The following PTPRT variants were observed in gnomAD, a reference collection of about 807,000 sequenced individuals.
PTPRT encodes the protein receptor-type tyrosine-protein phosphatase T.
Under a neutral mutation model 176.8 loss-of-function variants are expected in PTPRT, and 56 were observed. The ratio of observed to expected loss-of-function variants is 0.32; its 90% CI spans 0.26 to 0.40. The LOEUF is 0.40. PTPRT is among the 10% of genes least tolerant of loss of function. The pLI, the probability that PTPRT is intolerant of heterozygous loss-of-function variation, is 1.00. For synonymous variants in PTPRT, 783 were observed against 739.0 expected (o/e 1.06, Z -0.96); for missense variants, 1,540 against 1,908.2 (o/e 0.81, Z 3.60).
intron 21 of PTPRT, among the ~76,000 whole-genome samples, chr20:42,117,626 A>G (rs2146320940): frequency 6.6e-6 from 1 of 152,204 alleles, no homozygotes; most frequent in South Asian, 2.1e-4. Context: ...AGAAGAGAGA[A>G]GTGGAGACTG....
At chr20:42,374,940 G>A (rs1174890000) in intron 9 of PTPRT, among the ~76,000 whole-genome samples, 2 of 152,138 alleles carry the variant, frequency 1.3e-5, no homozygotes, top group East Asian at 3.9e-4. Context: ...CAAAATTATA[G>A]ACCAGCATAT....
intron 22 of PTPRT, among the ~76,000 whole-genome samples, chr20:42,111,155 G>C (rs1473342563): frequency 6.6e-6 from 1 of 152,092 alleles, no homozygotes; most frequent in Non-Finnish European, 1.5e-5. Context: ...ACACACTCCG[G>C]GCCCAGTAGT....
the PTPRT span, among the ~76,000 whole-genome samples, chr20:42,053,908 G>C: frequency 6.6e-6 from 1 of 152,312 alleles, no homozygotes; most frequent in East Asian, 1.9e-4. Flanking sequence ...GTGCTGGAGA[G>C]GAAGAGGGGT....
chr20:42,759,525 C>T (rs748181164), intron 5 of PTPRT, among the ~76,000 whole-genome samples: 2 of 152,104 alleles, frequency 1.3e-5, no homozygotes, highest in African/African-American at 2.4e-5. Flanking sequence ...CACAGAGATA[C>T]AAATGTTAGG....
At chr20:42,510,680 C>T (rs528450594) in intron 7 of PTPRT, among the ~76,000 whole-genome samples, 6 of 152,234 alleles carry the variant, frequency 3.9e-5, no homozygotes, top group African/African-American at 1.4e-4. Flanking sequence ...CAAGAATATA[C>T]ATACAAATTA....
chr20:43,189,713 G>T lies in PTPRT; in HGVS notation c.21C>A (p.Leu7=), dbSNP rs768531549. 1.6e-6 allele frequency: 2 copies of T among 1,270,200 alleles called. No homozygotes were observed. Among genetic ancestry groups the T allele is most frequent in the East Asian group, 6.6e-5 (2 of 30,312 alleles). The allele number at this position is 1,270,200 out of a possible 1,614,324, so 78.7% of individuals were successfully genotyped here. MASLAA[L]ALSLLLRLQL... ...GCAGCCTCAGGAGCAGGCTGAGGGC[G>T]AGCGCGGCGAGGCTCGCCATCCGGG... The change falls in exon 1 of 31, where the codon CTC becomes CTA. Residue 7 remains leucine (L), a synonymous_variant. Coordinates refer to ENST00000373187, the MANE Select transcript of PTPRT (RefSeq NM_007050.6). The surrounding 1 kb of genome is among the most constrained non-coding windows in gnomAD (Gnocchi z 5.0).
At chr20:42,258,825 A>C (rs1382742588) in intron 13 of PTPRT, among the ~76,000 whole-genome samples, 1 of 152,226 alleles carries the variant, frequency 6.6e-6, no homozygotes, top group African/African-American at 2.4e-5. Context: ...AGTAGCTGGA[A>C]AATACCACAG....
chr20:42,110,427 C>T lies in PTPRT; in HGVS notation c.3160G>A (p.Gly1054Ser), dbSNP rs747961781. Residue 1054 changes from glycine (G) to serine (S), a missense_variant, in exon 23 of 31, where the codon GGC becomes AGC. Coordinates refer to ENST00000373187, the MANE Select transcript of PTPRT (RefSeq NM_007050.6). ...AGGCCAGTGGCATAGCAGGGAACGC[C>T]GTGGTCAGGCCAGCTGGTGAAGTGG... is the stretch of plus-strand genomic sequence containing the variant. The part of the protein sequence containing the change: ...LFHFTSWPDH[G>S]VPCYATGLLG... 2.5e-6 allele frequency: 4 copies of T among 1,612,754 alleles called. No homozygotes were observed. The highest frequency in any genetic ancestry group is 4.5e-5 in the East Asian group (2 of 44,860).
intron 2 of PTPRT, among the ~76,000 whole-genome samples, 191 bp from the exon 3 acceptor site, chr20:42,791,657 T>TA (rs906193068): frequency 1.8e-4 from 27 of 152,210 alleles, no homozygotes; most frequent in Admixed American, 3.3e-4. Flanking sequence ...TAATTGGGTA[T>TA]AAAAAATCTA....
chr20:42,905,097 C>T (rs998817525), intron 1 of PTPRT, among the ~76,000 whole-genome samples: 9 of 152,134 alleles, frequency 5.9e-5, no homozygotes, highest in Non-Finnish European at 1.3e-4. Flanking sequence ...AGCTTCTGGA[C>T]AGCAAAAGAA....
At chr20:42,231,383 A>G (rs1240337431) in intron 15 of PTPRT, among the ~76,000 whole-genome samples, 1 of 152,184 alleles carries the variant, frequency 6.6e-6, no homozygotes, top group African/African-American at 2.4e-5. Flanking sequence ...AGCAATAGAC[A>G]AGTCTTCAGA....
chr20:42,690,182 C>T (rs1010000498), intron 6 of PTPRT, among the ~76,000 whole-genome samples: 2 of 151,784 alleles, frequency 1.3e-5, no homozygotes, highest in Non-Finnish European at 2.9e-5. Context: ...GGGTGGGGGG[C>T]CAGCAAAAAG....
intron 11 of PTPRT, among the ~76,000 whole-genome samples, chr20:42,343,422 G>A (rs1329407069): frequency 6.6e-6 from 1 of 152,128 alleles, no homozygotes; most frequent in African/African-American, 2.4e-5. Flanking sequence ...GTCATCACAA[G>A]CCATGTCCAT....
intron 7 of PTPRT, among the ~76,000 whole-genome samples, chr20:42,565,132 C>A (rs1174770648): frequency 6.6e-6 from 1 of 152,054 alleles, no homozygotes; most frequent in African/African-American, 2.4e-5. Context: ...AAGAAGGGGG[C>A]CTGAAATATC....
intron 1 of PTPRT, among the ~76,000 whole-genome samples, chr20:43,042,708 C>CCTCCCACCCGCCATCTCT (rs1986661069): frequency 9.3e-6 from 1 of 106,980 alleles, no homozygotes; most frequent in African/African-American, 4.9e-5. Flanking sequence ...CTTCCACCCA[C>CCTCCCACCCGCCATCTCT]CCTCCCACCC....
In PTPRT at chr20:43,162,620, G is replaced by T. The variant is rs4812683; in HGVS notation, c.88+27026C>A. ...CTTTGAAGACAAAGAATGGAAGGTC[G>T]GTCTCCATGGTCCATCACTCTGGAG... On this transcript the variant is annotated intron_variant, in intron 1 of 30. Transcript: ENST00000373187. Among the ~76,000 whole-genome samples, 9 of 149,736 alleles carry T rather than the reference G, an allele frequency of 6.0e-5. 1 individual carries two copies. The highest frequency in any genetic ancestry group is 1.4e-4 in the Admixed American group (2 of 14,710).
Position 42,110,446 on chromosome 20 carries a change from G to A in PTPRT, c.3141C>T (p.Phe1047=), listed in dbSNP as rs1275959737. 2 of 1,611,814 alleles carry A rather than the reference G, an allele frequency of 1.2e-6. No individual in the cohort carries two copies. The change falls in exon 23 of 31, where the codon TTC becomes TTT. Residue 1047 remains phenylalanine (F), a synonymous_variant. Transcript: ENST00000373187. The part of the protein sequence containing the change: ...HEIRELRLFH[F]TSWPDHGVPC... ...GAACGCCGTGGTCAGGCCAGCTGGTGAAGTGGAAGAGGCGGAGCTCCCGGA... is the reference window on the plus strand; with the variant it reads ...GAACGCCGTGGTCAGGCCAGCTGGTAAAGTGGAAGAGGCGGAGCTCCCGGA...
At chr20:42,779,109 C>T (rs578089598) in intron 4 of PTPRT, among the ~76,000 whole-genome samples, 5 of 152,322 alleles carry the variant, frequency 3.3e-5, no homozygotes, top group South Asian at 2.1e-4. Flanking sequence ...AGTCAGACAA[C>T]GGCATTCTAG....
chr20:43,055,274 A>G (rs904203419), intron 1 of PTPRT, among the ~76,000 whole-genome samples: 2 of 152,196 alleles, frequency 1.3e-5, no homozygotes, highest in African/African-American at 2.4e-5. Flanking sequence ...CTTCAGAAAC[A>G]TGAAAGAAAT....
Sources: allele counts gnomAD v4.1 joint callset (sites outside exome capture counted in the v4.1 genomes callset), GRCh38; gene constraint gnomAD v4.1.1; non-coding constraint Gnocchi (gnomAD v3.1); transcripts MANE v1.5; gene names NCBI Gene and HGNC (gene_info 2026-07-23, HGNC 2026-07-21).